UBL7: variants seen among roughly 807,000 people sequenced by gnomAD.
UBL7 encodes ubiquitin like 7.
Under a neutral mutation model 41.7 loss-of-function variants are expected in UBL7, and 21 were observed. The observed-to-expected ratio is 0.50, with a 90% CI of 0.36 to 0.73. The LOEUF (loss-of-function observed/expected upper bound fraction) is 0.73. Ranked by LOEUF, UBL7 falls within the 30% of genes least tolerant of loss-of-function variation. The pLI, the probability that UBL7 is intolerant of heterozygous loss-of-function variation, is 0.00. For missense variants in UBL7, 403 were observed against 478.4 expected, an observed-to-expected ratio of 0.84 and a Z score of 1.47; for synonymous variants, 157 against 186.9, an observed-to-expected ratio of 0.84 and a Z score of 1.31.
chr15:74,451,005 A>G, intron 5 of UBL7, 146 bp from the exon 6 acceptor site: 1 of 810,720 alleles, frequency 1.2e-6, no homozygotes, highest in Non-Finnish European at 2.0e-6. Flanking sequence ...GCAAAGCGCC[A>G]AGCAATACAA....
In UBL7 at chr15:74,461,095, C is replaced by T; in HGVS notation, c.-88G>A. 1.0e-6 allele frequency: 1 copy of T among 1,004,012 alleles called. No individual in the cohort carries two copies. Among genetic ancestry groups the T allele is most frequent in the Non-Finnish European group, 1.2e-6 (1 of 839,554 alleles). 62.2% of individuals were successfully genotyped at this position (1,004,012 alleles called of 1,614,324 possible). A position where few individuals can be genotyped will look rare whatever the true frequency, so the allele number is the denominator to read the frequency against. On this transcript the variant is annotated 5_prime_UTR_variant, in exon 1 of 11. Transcript: ENST00000395081. ...CATCGAGCCCGCGCTGCCCAGGGCC[C>T]CAGCGCCCTCACCCGTCCCGCGGAA...
chr15:74,452,162 G>T, intron 4 of UBL7, 134 bp downstream of exon 4: 1 of 869,820 alleles, frequency 1.1e-6, no homozygotes, highest in Non-Finnish European at 1.8e-6. Context: ...GAGGCCCACA[G>T]ACATGGCAAA....
rs1445989069 is a variant in UBL7, at chr15:74,458,828, C to G, written c.40G>C (p.Asp14His). Residue 14 changes from aspartate (D) to histidine (H), a missense_variant, in exon 2 of 11, where the codon GAC becomes CAC. Coordinates refer to ENST00000395081, the MANE Select transcript of UBL7 (RefSeq NM_032907.5). ...SDWHLAVKLA[D>H]QPLTPKSILR... Reference sequence around the variant, plus strand: ...ATAGACTTTGGAGTAAGTGGCTGGTCAGCCAGCTTCACCGCCAGGTGCCAG... The same window carrying G: ...ATAGACTTTGGAGTAAGTGGCTGGTGAGCCAGCTTCACCGCCAGGTGCCAG... The G allele has an allele frequency of 6.2e-7, 1 of 1,613,002 alleles. No homozygotes were observed. The highest frequency in any genetic ancestry group is 1.1e-5 in the South Asian group (1 of 91,078).
In UBL7 at chr15:74,451,519, A is replaced by T; in HGVS notation, c.389T>A (p.Val130Asp). 6 of 1,613,830 alleles carry T rather than the reference A, an allele frequency of 3.7e-6. No homozygotes were observed. The highest frequency in any genetic ancestry group is 5.1e-6 in the Non-Finnish European group (6 of 1,179,878). Reference sequence around the variant, plus strand: ...CTCCTTATTGCTGAGCATCTTAAAGACCTGCAGGAGAAATGGCGGGGGCTG... The same window carrying T: ...CTCCTTATTGCTGAGCATCTTAAAGTCCTGCAGGAGAAATGGCGGGGGCTG... ...LHSSSSYREA[V>D]FKMLSNKESL... The change falls in exon 5 of 11, where the codon GTC (valine) becomes GAC (aspartate). Residue 130 changes from valine (V) to aspartate (D), a missense_variant and splice_region_variant. Coordinates refer to ENST00000395081, the MANE Select transcript of UBL7 (RefSeq NM_032907.5).
At position 74,446,529 on chromosome 15, in the gene UBL7, T is replaced by C. The variant is rs887270831; in HGVS notation, c.1006-302A>G. Among the ~76,000 whole-genome samples the C allele has an allele frequency of 2.0e-5, 3 of 152,268 alleles. No individual in the cohort carries two copies. Among genetic ancestry groups the C allele is most frequent in the Admixed American group, 6.5e-5 (1 of 15,288 alleles). On this transcript the variant is annotated intron_variant, in intron 10 of 10. Coordinates refer to ENST00000395081, the MANE Select transcript of UBL7 (RefSeq NM_032907.5). This position sits in a 1 kb window ranked among gnomAD's most constrained non-coding sequence, Gnocchi z 4.1. Reference sequence around the variant, plus strand: ...AAATTACTTTCTTTCTCTTGCTATGTGTACACACACAACAGCAAGATTTTG... The same window carrying C: ...AAATTACTTTCTTTCTCTTGCTATGCGTACACACACAACAGCAAGATTTTG...
intron 2 of UBL7, 129 bp from the exon 3 acceptor site, chr15:74,456,800 A>C: frequency 8.6e-7 from 1 of 1,164,544 alleles, no homozygotes; most frequent in South Asian, 1.6e-5. Flanking sequence ...CTTATTCAAT[A>C]ACTTAACAAA....
At chr15:74,455,372 C>T (rs1222970806) in intron 3 of UBL7, among the ~76,000 whole-genome samples, 1 of 152,144 alleles carries the variant, frequency 6.6e-6, no homozygotes, top group Non-Finnish European at 1.5e-5. Flanking sequence ...TATTTATAAA[C>T]CAAAAAGGCA....
At chr15:74,456,991 T>G (rs548071260) in intron 2 of UBL7, among the ~76,000 whole-genome samples, 2 of 152,206 alleles carry the variant, frequency 1.3e-5, no homozygotes, top group South Asian at 2.1e-4. Flanking sequence ...TGTAGTTTTT[T>G]GTAGAGACGG....
intron 6 of UBL7, 25 bp downstream of exon 6, chr15:74,450,777 C>A (rs2061237086): frequency 6.2e-7 from 1 of 1,611,664 alleles, no homozygotes; most frequent in African/African-American, 1.3e-5. Flanking sequence ...GAGAAGGTAC[C>A]CTCTAATAGG....
intron 1 of UBL7, chr15:74,460,582 A>G: frequency 1.9e-5 from 14 of 740,092 alleles, no homozygotes; most frequent in Non-Finnish European, 2.7e-5. Context: ...AGGGCTACAA[A>G]TATCTGCTTG....
chr15:74,459,064 A>G (rs914276101), intron 1 of UBL7, 168 bp from the exon 2 acceptor site: 7 of 613,882 alleles, frequency 1.1e-5, no homozygotes, highest in Non-Finnish European at 2.0e-5. Context: ...CTCTACTCAT[A>G]CTGTGATGGA....
chr15:74,448,363 C>T, intron 10 of UBL7, 115 bp downstream of exon 10: 1 of 1,495,518 alleles, frequency 6.7e-7, no homozygotes, highest in Non-Finnish European at 9.1e-7. Flanking sequence ...CATGCTCCAG[C>T]TGTTCCTAGA....
chr15:74,455,683 G>A (rs901563219), intron 3 of UBL7, among the ~76,000 whole-genome samples: 2 of 152,164 alleles, frequency 1.3e-5, no homozygotes, highest in South Asian at 4.1e-4. Context: ...GTCCCATTAG[G>A]AAACAGTGGA....
At chr15:74,452,069 C>G (rs192234230) in intron 4 of UBL7, among the ~76,000 whole-genome samples, 4 of 152,134 alleles carry the variant, frequency 2.6e-5, no homozygotes, top group Admixed American at 2.6e-4. Context: ...TGTCACCATA[C>G]GGGCAGGTTG....
chr15:74,448,710 C>T, intron 9 of UBL7, 110 bp from the exon 10 acceptor site: 1 of 1,468,580 alleles, frequency 6.8e-7, no homozygotes, highest in Non-Finnish European at 9.3e-7. Context: ...CCAACTTCTG[C>T]CTCCCAACAA....
At chr15:74,459,095 TC>T (rs2061322127) in intron 1 of UBL7, 199 bp from the exon 2 acceptor site, 1 of 547,330 alleles carries the variant, frequency 1.8e-6, no homozygotes, top group African/African-American at 1.9e-5. Context: ...GGCCTCAGTT[TC>T]TTCATCCCTA....
In UBL7 at chr15:74,461,100, G is replaced by A; in HGVS notation, c.-93C>T. The A allele has an allele frequency of 5.0e-6, 5 of 999,348 alleles. No homozygotes were observed. Among genetic ancestry groups the A allele is most frequent in the Non-Finnish European group, 6.0e-6 (5 of 837,038 alleles). The allele number at this position is 999,348 out of a possible 1,614,324, so 61.9% of individuals were successfully genotyped here. A position where few individuals can be genotyped will look rare whatever the true frequency, so the allele number is the denominator to read the frequency against. ...AGCCCGCGCTGCCCAGGGCCCCAGC[G>A]CCCTCACCCGTCCCGCGGAAGGAAC... On this transcript the variant is annotated 5_prime_UTR_variant, in exon 1 of 11. Coordinates refer to ENST00000395081, the MANE Select transcript of UBL7 (RefSeq NM_032907.5).
At chr15:74,449,457 C>G in intron 8 of UBL7, 104 bp from the exon 9 acceptor site, 3 of 1,544,386 alleles carry the variant, frequency 1.9e-6, no homozygotes, top group Non-Finnish European at 2.6e-6. Context: ...CTTAAGTTCC[C>G]AGGTTCAGAA....
intron 1 of UBL7, chr15:74,460,545 G>T: frequency 1.9e-6 from 1 of 514,112 alleles, no homozygotes; most frequent in Non-Finnish European, 3.1e-6. Context: ...TCTTTCCTCT[G>T]TTGTTCCCAC....
Sources: allele counts gnomAD v4.1 joint callset (sites outside exome capture counted in the v4.1 genomes callset), GRCh38; gene constraint gnomAD v4.1.1; non-coding constraint Gnocchi (gnomAD v3.1); transcripts MANE v1.5; gene names NCBI Gene and HGNC (gene_info 2026-07-23, HGNC 2026-07-21).